Variants in NUDT3 observed in about 807,000 individuals in gnomAD.
The protein encoded by NUDT3 is diphosphoinositol polyphosphate phosphohydrolase 1.
NUDT3 carries 9 observed loss-of-function variants against 23.6 expected under a neutral mutation model. The observed-to-expected ratio is 0.38, with a 90% CI of 0.23 to 0.66. The LOEUF (loss-of-function observed/expected upper bound fraction) is 0.66. Ranked by LOEUF, NUDT3 falls within the 30% of genes least tolerant of loss-of-function variation. NUDT3 has a pLI of 0.52. For synonymous variants in NUDT3, 86 were observed against 82.6 expected (o/e 1.04, Z -0.22); for missense variants, 172 against 218.5 (o/e 0.79, Z 1.34).
intron 1 of NUDT3, among the ~76,000 whole-genome samples, chr6:34,378,129 C>T (rs1388836864): frequency 2.7e-5 from 4 of 149,584 alleles, no homozygotes; most frequent in South Asian, 2.1e-4. Context: ...GAGATCTTGT[C>T]GCTCCTACCC....
In NUDT3 at chr6:34,357,543, G is replaced by T. The variant is rs554309769; in HGVS notation, c.100-15571C>A. Among the ~76,000 whole-genome samples, 6 of 152,006 alleles carry T rather than the reference G, an allele frequency of 3.9e-5. No homozygotes were observed. The South Asian group carries it at 6.2e-4, about 16-fold the overall frequency. On this transcript the variant is annotated intron_variant, in intron 1 of 4. Coordinates refer to ENST00000607016, the MANE Select transcript of NUDT3 (RefSeq NM_006703.4). ...GTGGGAGGAGCGCCTGAGCCTGGGA[G>T]GCTGAGGCTGCAATGAGCCGTGATC...
intron 2 of NUDT3, among the ~76,000 whole-genome samples, chr6:34,337,029 C>T (rs1050119210): frequency 2.6e-5 from 4 of 152,194 alleles, no homozygotes; most frequent in Admixed American, 6.5e-5. Flanking sequence ...AAGTCTAATT[C>T]TCTGTTGATA....
rs529092584 is a variant in NUDT3 at position 34,366,473 on chromosome 6, A to AAGGGAGGGAGGGAGGG, written c.100-24517_100-24502dup. On this transcript the variant is annotated intron_variant, in intron 1 of 4. Coordinates refer to ENST00000607016, the MANE Select transcript of NUDT3 (RefSeq NM_006703.4). Reference sequence around the variant, plus strand: ...GAGAGAGAGAGAAAGAGAGAGAGGGAAGGGAGGGAGGGAGGGAGGGAGGGA... The same window carrying AAGGGAGGGAGGGAGGG: ...GAGAGAGAGAGAAAGAGAGAGAGGGAAGGGAGGGAGGGAGGGAGGGAGGGAGGGAGGGAGGGAGGGA... 4.4e-4 allele frequency among the ~76,000 whole-genome samples: 13 copies of AAGGGAGGGAGGGAGGG among 29,816 alleles called. 1 individual carries two copies. The highest frequency in any genetic ancestry group is 1.4e-3 in the East Asian group (1 of 692). The allele number at this position is 29,816 out of a possible 152,430, so 19.6% of individuals were successfully genotyped here.
intron 1 of NUDT3, among the ~76,000 whole-genome samples, chr6:34,351,513 G>A (rs1370991140): frequency 3.3e-5 from 5 of 149,468 alleles, no homozygotes; most frequent in South Asian, 4.2e-4. Flanking sequence ...AGGCCAAGGC[G>A]GGCATGTCAC....
chr6:34,325,999 A>G (rs1419068250), intron 2 of NUDT3, among the ~76,000 whole-genome samples: 1 of 151,678 alleles, frequency 6.6e-6, no homozygotes, highest in African/African-American at 2.4e-5. Context: ...TCAAACATAC[A>G]GAAAAATTAT....
chr6:34,374,144 A>C (rs1039782549), intron 1 of NUDT3, among the ~76,000 whole-genome samples: 8 of 144,884 alleles, frequency 5.5e-5, no homozygotes, highest in African/African-American at 2.1e-4. Flanking sequence ...GCGACAGAAC[A>C]AGGCTCCCTC....
Position 34,367,433 on chromosome 6 carries a change from G to C in NUDT3, c.99+24831C>G, listed in dbSNP as rs186317691. On this transcript the variant is annotated intron_variant, in intron 1 of 4. Coordinates refer to ENST00000607016, the MANE Select transcript of NUDT3 (RefSeq NM_006703.4). The stretch of plus-strand genomic sequence containing the variant: ...GGAGGCGGAGGTTGCAGCGAGCCGA[G>C]ATCGCACCATTGAACTACAGCCTGG... Among the ~76,000 whole-genome samples the C allele has an allele frequency of 8.3e-4, 125 of 150,916 alleles. No homozygotes were observed. In the East Asian group the frequency reaches 0.01, roughly 13 times the overall value.
intron 2 of NUDT3, among the ~76,000 whole-genome samples, chr6:34,323,978 G>C (rs1271199003): frequency 6.6e-6 from 1 of 152,048 alleles, no homozygotes; most frequent in Non-Finnish European, 1.5e-5. Context: ...AGCTATAGTG[G>C]GCACTAGCTT....
rs1012188295 is a variant in NUDT3, at chr6:34,283,500, GC to G, written c.*5252del. 1.3e-5 allele frequency: 2 copies of G among 152,206 alleles called. No individual in the cohort carries two copies. Among genetic ancestry groups the G allele is most frequent in the African/African-American group, 4.8e-5 (2 of 41,454 alleles). 9.4% of individuals were successfully genotyped at this position (152,206 alleles called of 1,614,324 possible). A position where few individuals can be genotyped will look rare whatever the true frequency, so the allele number is the denominator to read the frequency against. ...TTACAGGCGTGAGCCACCATGACCAGCCCTCCATTTATTAATTTATAAGGGG... is the reference window on the plus strand; with the variant it reads ...TTACAGGCGTGAGCCACCATGACCAGCCTCCATTTATTAATTTATAAGGGG... On this transcript the variant is annotated 3_prime_UTR_variant, in exon 5 of 5. Coordinates refer to ENST00000607016, the MANE Select transcript of NUDT3 (RefSeq NM_006703.4).
intron 1 of NUDT3, 103 bp downstream of exon 1, chr6:34,392,161 G>C: frequency 5.1e-6 from 4 of 783,342 alleles, no homozygotes; most frequent in Non-Finnish European, 7.8e-6. Context: ...CGCCCGAGCG[G>C]GGCGGCCCTG....
intron 1 of NUDT3, among the ~76,000 whole-genome samples, chr6:34,382,985 G>T (rs1422991868): frequency 6.6e-6 from 1 of 150,596 alleles, no homozygotes; most frequent in East Asian, 1.9e-4. Flanking sequence ...AAATTAGCTG[G>T]GTGCGGTGGC....
intron 1 of NUDT3, among the ~76,000 whole-genome samples, chr6:34,375,148 G>T (rs1290804510): frequency 2.0e-4 from 31 of 152,226 alleles, no homozygotes; most frequent in Middle Eastern, 3.4e-3. Flanking sequence ...TTCGAGACCA[G>T]CCTGACCAAC....
chr6:34,346,290 A>C (rs1764368762), intron 1 of NUDT3, among the ~76,000 whole-genome samples: 1 of 152,236 alleles, frequency 6.6e-6, no homozygotes, highest in African/African-American at 2.4e-5. Flanking sequence ...TCAAGAAGAA[A>C]AAGTAGTAAA....
intron 2 of NUDT3, among the ~76,000 whole-genome samples, chr6:34,310,936 T>C (rs1256855849): frequency 1.3e-5 from 2 of 150,160 alleles, no homozygotes; most frequent in East Asian, 3.9e-4. Flanking sequence ...AACGAAATTA[T>C]ACCTACTCAT....
intron 1 of NUDT3, among the ~76,000 whole-genome samples, chr6:34,360,132 G>A (rs940128721): frequency 3.3e-5 from 5 of 151,242 alleles, no homozygotes; most frequent in African/African-American, 9.7e-5. Flanking sequence ...AGGAGGCTGA[G>A]GAAGGAAGAT....
chr6:34,325,687 A>C (rs1764015008), intron 2 of NUDT3, among the ~76,000 whole-genome samples: 1 of 152,252 alleles, frequency 6.6e-6, no homozygotes, highest in Admixed American at 6.5e-5. Context: ...TAAATCCTTT[A>C]AAAAGAATAA....
Position 34,304,975 on chromosome 6 carries a change from A to ATT in NUDT3, c.211-9292_211-9291dup, listed in dbSNP as rs535349190. 8.4e-3 allele frequency among the ~76,000 whole-genome samples: 715 copies of ATT among 85,282 alleles called. 21 individuals carry two copies. The highest frequency in any genetic ancestry group is 0.019 in the African/African-American group (363 of 19,576). The allele number at this position is 85,282 out of a possible 152,430, so 55.9% of individuals were successfully genotyped here. On this transcript the variant is annotated intron_variant, in intron 2 of 4. Coordinates refer to ENST00000607016, the MANE Select transcript of NUDT3 (RefSeq NM_006703.4). ...GCATGAGCCACTGTGCCCGGTCTGAATTTTTTTTTTTTTTTTTTTTTTTTT... is the reference window on the plus strand; with the variant it reads ...GCATGAGCCACTGTGCCCGGTCTGAATTTTTTTTTTTTTTTTTTTTTTTTTTT...
At chr6:34,309,633 T>C (rs1193097538) in intron 2 of NUDT3, among the ~76,000 whole-genome samples, 3 of 151,954 alleles carry the variant, frequency 2.0e-5, no homozygotes, top group African/African-American at 2.4e-5. Context: ...AGCCTAAAAG[T>C]ATACAAACGT....
At chr6:34,343,714 G>A (rs1394596544) in intron 1 of NUDT3, among the ~76,000 whole-genome samples, 2 of 152,078 alleles carry the variant, frequency 1.3e-5, no homozygotes, top group African/African-American at 4.8e-5. Flanking sequence ...TATGAAGCAT[G>A]AGCAACAAAA....
Sources: gnomAD v4.1 joint callset for allele counts (sites outside exome capture counted in the v4.1 genomes callset) on GRCh38, gnomAD v4.1.1 for gene constraint, MANE v1.5 for transcripts, NCBI Gene and HGNC (gene_info 2026-07-23, HGNC 2026-07-21) for gene names.